CCDC85C: variants seen among roughly 807,000 people sequenced by gnomAD.
CCDC85C encodes the protein coiled-coil domain containing 85C.
In CCDC85C, 18 loss-of-function variants were observed where a neutral mutation model predicts 38.3. The ratio of observed to expected loss-of-function variants is 0.47; its 90% CI spans 0.33 to 0.70. CCDC85C has a LOEUF of 0.70. Among genes scored for constraint, CCDC85C ranks in the 30% least tolerant of loss-of-function variants. The probability of loss-of-function intolerance (pLI) is 0.03; values close to 1 mark genes in which losing one functional copy is unlikely to be tolerated. For synonymous variants in CCDC85C, 264 were observed against 293.8 expected (o/e 0.90, Z 1.04); for missense variants, 566 against 621.2 (o/e 0.91, Z 0.94).
chr14:99,519,173 T>C (rs1897271067), intron 3 of CCDC85C, among the ~76,000 whole-genome samples: 2 of 121,308 alleles, frequency 1.6e-5, no homozygotes, highest in Non-Finnish European at 3.2e-5. Context: ...TGAAGTACAG[T>C]GGCACCATCT....
At position 99,506,148 on chromosome 14, in the gene CCDC85C, T is replaced by C. The variant is rs1896970038; in HGVS notation, c.*9098A>G. 6.6e-6 allele frequency: 1 copy of C among 152,298 alleles called. No homozygotes were observed. The highest frequency in any genetic ancestry group is 1.5e-5 in the Non-Finnish European group (1 of 68,124). The allele number at this position is 152,298 out of a possible 1,614,324, so 9.4% of individuals were successfully genotyped here. A position where few individuals can be genotyped will look rare whatever the true frequency, so the allele number is the denominator to read the frequency against. ...CCACTTAGAGAGGGGCTTTGGACTC[T>C]GAGGAAGAGGGTGAAGAGAGAGGAA... On this transcript the variant is annotated 3_prime_UTR_variant, in exon 6 of 6. Transcript: ENST00000380243.
intron 1 of CCDC85C, among the ~76,000 whole-genome samples, chr14:99,560,908 G>A (rs1167483563): frequency 6.6e-6 from 1 of 152,202 alleles, no homozygotes; most frequent in Admixed American, 6.5e-5. Context: ...TCAGAGAACA[G>A]GGCTCCCACA....
In CCDC85C at chr14:99,509,869, C is replaced by A; in HGVS notation, c.*5377G>T. The A allele has an allele frequency of 2.0e-6, 1 of 500,750 alleles. No homozygotes were observed. Among genetic ancestry groups the A allele is most frequent in the Non-Finnish European group, 3.5e-6 (1 of 283,552 alleles). 31.0% of individuals were successfully genotyped at this position (500,750 alleles called of 1,614,324 possible). A position where few individuals can be genotyped will look rare whatever the true frequency, so the allele number is the denominator to read the frequency against. On this transcript the variant is annotated 3_prime_UTR_variant, in exon 6 of 6. Transcript: ENST00000380243. ...TAGGAAGAGGGGGCTGGGGCCAGGG[C>A]ACAAGGGGGCTTCGGGTGCTGCCGA...
At chr14:99,549,892 A>G (rs1897875985) in intron 1 of CCDC85C, among the ~76,000 whole-genome samples, 1 of 152,204 alleles carries the variant, frequency 6.6e-6, no homozygotes, top group African/African-American at 2.4e-5. Flanking sequence ...AGAGGAGATA[A>G]TTGGTGCTGA....
At chr14:99,563,461 C>T (rs1898156669) in intron 1 of CCDC85C, among the ~76,000 whole-genome samples, 1 of 152,266 alleles carries the variant, frequency 6.6e-6, no homozygotes, top group South Asian at 2.1e-4. Context: ...CCTTCTGCTC[C>T]TGAGCCCACA....
At position 99,548,174 on chromosome 14, in the gene CCDC85C, T is replaced by C. The variant is rs2139933892; in HGVS notation, c.794-12086A>G. On this transcript the variant is annotated intron_variant, in intron 1 of 5. Coordinates refer to ENST00000380243, the MANE Select transcript of CCDC85C (RefSeq NM_001144995.2). The surrounding 1 kb of genome is among the most constrained non-coding windows in gnomAD (Gnocchi z 4.9). Reference sequence around the variant, plus strand: ...CCATCTGGGAGGAGCCATGTGTAAGTCCCCTCCCAGATAAAGGATCATACC... The same window carrying C: ...CCATCTGGGAGGAGCCATGTGTAAGCCCCCTCCCAGATAAAGGATCATACC... Among the ~76,000 whole-genome samples, 1 of 151,494 alleles carries C rather than the reference T, an allele frequency of 6.6e-6. No homozygotes were observed. The highest frequency in any genetic ancestry group is 2.0e-4 in the East Asian group (1 of 5,094).
rs1897081719 is a variant in CCDC85C, at chr14:99,510,068, C to G, written c.*5178G>C. On this transcript the variant is annotated 3_prime_UTR_variant, in exon 6 of 6. Coordinates refer to ENST00000380243, the MANE Select transcript of CCDC85C (RefSeq NM_001144995.2). ...AGGCGGGCAGCTGCTCCCTGCTCCT[C>G]TGTAAAGATGGCCCTGAAGGGCCAG... is the stretch of plus-strand genomic sequence containing the variant. 3 of 1,347,368 alleles carry G rather than the reference C, an allele frequency of 2.2e-6. No individual in the cohort carries two copies. Among genetic ancestry groups the G allele is most frequent in the Non-Finnish European group, 2.0e-6 (2 of 1,001,008 alleles). 83.5% of individuals were successfully genotyped at this position (1,347,368 alleles called of 1,614,324 possible). A position where few individuals can be genotyped will look rare whatever the true frequency, so the allele number is the denominator to read the frequency against.
chr14:99,502,468 G>A lies in CCDC85C; in HGVS notation c.*12778C>T. 1 of 1,499,336 alleles carries A rather than the reference G, an allele frequency of 6.7e-7. No homozygotes were observed. The highest frequency in any genetic ancestry group is 2.3e-5 in the Admixed American group (1 of 42,780). 92.9% of individuals were successfully genotyped at this position (1,499,336 alleles called of 1,614,324 possible). Reference sequence around the variant, plus strand: ...TGAGTCCCAAGAATGGATTTTCCCAGATAGACATATGTGAGCAATATTTCA... The same window carrying A: ...TGAGTCCCAAGAATGGATTTTCCCAAATAGACATATGTGAGCAATATTTCA... On this transcript the variant is annotated 3_prime_UTR_variant, in exon 6 of 6. Coordinates refer to ENST00000380243, the MANE Select transcript of CCDC85C (RefSeq NM_001144995.2).
At chr14:99,518,602 C>T (rs188267222) in intron 3 of CCDC85C, among the ~76,000 whole-genome samples, 3 of 152,292 alleles carry the variant, frequency 2.0e-5, no homozygotes, top group East Asian at 1.9e-4. Context: ...CAGCAGGGGG[C>T]GCCAGTCGCA....
rs1020484716 is a variant in CCDC85C at position 99,503,887 on chromosome 14, A to G, written c.*11359T>C. 5 of 529,454 alleles carry G rather than the reference A, an allele frequency of 9.4e-6. No individual in the cohort carries two copies. The highest frequency in any genetic ancestry group is 7.1e-5 in the Admixed American group (2 of 28,272). The allele number at this position is 529,454 out of a possible 1,614,324, so 32.8% of individuals were successfully genotyped here. A position where few individuals can be genotyped will look rare whatever the true frequency, so the allele number is the denominator to read the frequency against. On this transcript the variant is annotated 3_prime_UTR_variant, in exon 6 of 6. Transcript: ENST00000380243. ...TGGCAATAAAAATGTACTCAGTAAC[A>G]TATATAAAAGTATAATTATGGCTGT... is the stretch of plus-strand genomic sequence containing the variant.
chr14:99,500,966 A>G lies in CCDC85C; in HGVS notation c.*14280T>C. Reference sequence around the variant, plus strand: ...ATTACGCTTCTCAAAAGCGGAAAACAAAGTTTGATGTGTGAAATACCAAGG... The same window carrying G: ...ATTACGCTTCTCAAAAGCGGAAAACGAAGTTTGATGTGTGAAATACCAAGG... On this transcript the variant is annotated 3_prime_UTR_variant, in exon 6 of 6. Transcript: ENST00000380243. The G allele has an allele frequency of 1.3e-6, 1 of 787,548 alleles. No homozygotes were observed. Among genetic ancestry groups the G allele is most frequent in the Non-Finnish European group, 2.1e-6 (1 of 475,090 alleles). 48.8% of individuals were successfully genotyped at this position (787,548 alleles called of 1,614,324 possible).
Position 99,551,915 on chromosome 14 carries a change from AC to A in CCDC85C, c.794-15828del, listed in dbSNP as rs199908972. Among the ~76,000 whole-genome samples the A allele has an allele frequency of 6.1e-3, 932 of 152,322 alleles. 8 individuals are homozygous for A. Among genetic ancestry groups the A allele is most frequent in the African/African-American group, 0.021 (889 of 41,584 alleles). ...TTCTAGCAGACAGGTGGGACCAGCG[AC>A]AGCAGCCAGGTCCCAAAAGAAGAAA... On this transcript the variant is annotated intron_variant, in intron 1 of 5. Transcript: ENST00000380243.
In CCDC85C at chr14:99,544,710, G is replaced by A. The variant is rs935413301; in HGVS notation, c.794-8622C>T. The stretch of plus-strand genomic sequence containing the variant: ...ATTATCCTTGACCCATCTCTCCTCC[G>A]AGACCTCGCCTCCAAGGGCACCAGA... On this transcript the variant is annotated intron_variant, in intron 1 of 5. Coordinates refer to ENST00000380243, the MANE Select transcript of CCDC85C (RefSeq NM_001144995.2). This position sits in a 1 kb window ranked among gnomAD's most constrained non-coding sequence, Gnocchi z 5.3. Among the ~76,000 whole-genome samples, 18 of 152,090 alleles carry A rather than the reference G, an allele frequency of 1.2e-4. No individual in the cohort carries two copies. Among genetic ancestry groups the A allele is most frequent in the African/African-American group, 4.1e-4 (17 of 41,420 alleles).
Position 99,585,070 on chromosome 14 carries a change from G to A in CCDC85C, c.793+18097C>T, listed in dbSNP as rs114293068. Among the ~76,000 whole-genome samples the A allele has an allele frequency of 2.3e-3, 357 of 152,204 alleles. 1 individual carries two copies. Among genetic ancestry groups the A allele is most frequent in the African/African-American group, 8.1e-3 (336 of 41,516 alleles). On this transcript the variant is annotated intron_variant, in intron 1 of 5. Coordinates refer to ENST00000380243, the MANE Select transcript of CCDC85C (RefSeq NM_001144995.2). ...AGATTGGGCAACCACACTCCAGCCT[G>A]GGCCACAGAGTGAGACCCCGTCCCC... is the stretch of plus-strand genomic sequence containing the variant.
Position 99,506,725 on chromosome 14 carries a change from G to A in CCDC85C, c.*8521C>T, listed in dbSNP as rs745539390. 1.9e-5 allele frequency: 6 copies of A among 311,682 alleles called. No homozygotes were observed. The highest frequency in any genetic ancestry group is 3.7e-5 in the Non-Finnish European group (6 of 160,030). 19.3% of individuals were successfully genotyped at this position (311,682 alleles called of 1,614,324 possible). ...CTCTGGACCCTTCTTTGTGTCCTCT[G>A]TACCAGGGAGGACTCCAGATAGGTC... On this transcript the variant is annotated 3_prime_UTR_variant, in exon 6 of 6. Coordinates refer to ENST00000380243, the MANE Select transcript of CCDC85C (RefSeq NM_001144995.2).
chr14:99,508,005 G>A lies in CCDC85C; in HGVS notation c.*7241C>T, dbSNP rs1452739742. On this transcript the variant is annotated 3_prime_UTR_variant, in exon 6 of 6. Transcript: ENST00000380243. ...ACCTGTGCTTGCTCTCCAAAAGGTGGTCGATACTCCGGAGGCTTCCAAGCC... is the reference window on the plus strand; with the variant it reads ...ACCTGTGCTTGCTCTCCAAAAGGTGATCGATACTCCGGAGGCTTCCAAGCC... 1 of 152,234 alleles carries A rather than the reference G, an allele frequency of 6.6e-6. No homozygotes were observed. The highest frequency in any genetic ancestry group is 1.5e-5 in the Non-Finnish European group (1 of 68,074). 9.4% of individuals were successfully genotyped at this position (152,234 alleles called of 1,614,324 possible).
chr14:99,536,488 C>A (rs1897603386), intron 1 of CCDC85C, among the ~76,000 whole-genome samples: 1 of 152,186 alleles, frequency 6.6e-6, no homozygotes, highest in Non-Finnish European at 1.5e-5. Flanking sequence ...GGAGCTCTCA[C>A]AAACACAGCC....
chr14:99,522,172 A>C lies in CCDC85C; in HGVS notation c.936T>G (p.Leu312=), dbSNP rs1356777978. The C allele has an allele frequency of 2.6e-6, 4 of 1,551,136 alleles. No homozygotes were observed. Among genetic ancestry groups the C allele is most frequent in the Non-Finnish European group, 3.5e-6 (4 of 1,146,914 alleles). ...CCTGGTAGGAGGGCGGCAGGGACGC[A>C]AGCTGGGACTCCGAGTGGTAGGGCG... ...GFSPYHSESQ[L]ASLPPSYQDS... is the part of the protein sequence containing the mutation. The change falls in exon 3 of 6, where the codon CTT becomes CTG. Residue 312 remains leucine (L), a synonymous_variant. Coordinates refer to ENST00000380243, the MANE Select transcript of CCDC85C (RefSeq NM_001144995.2).
chr14:99,580,780 G>C (rs1215211890), intron 1 of CCDC85C, among the ~76,000 whole-genome samples: 1 of 152,112 alleles, frequency 6.6e-6, no homozygotes, highest in Non-Finnish European at 1.5e-5. Context: ...CAGGAGAATG[G>C]CTTGAACCCG....
Sources: allele counts gnomAD v4.1 joint callset (sites outside exome capture counted in the v4.1 genomes callset), GRCh38; gene constraint gnomAD v4.1.1; non-coding constraint Gnocchi (gnomAD v3.1); transcripts MANE v1.5; gene names NCBI Gene and HGNC (gene_info 2026-07-23, HGNC 2026-07-21).